The following MCF2L2 variants were observed in gnomAD, a reference collection of about 807,000 sequenced individuals.
MCF2L2 encodes probable guanine nucleotide exchange factor MCF2L2.
A neutral mutation model predicts 150.2 loss-of-function variants in MCF2L2; 102 were observed. That is an observed-to-expected ratio of 0.68 (90% confidence interval 0.58 to 0.80). MCF2L2 has a LOEUF of 0.80. Ranked by LOEUF, MCF2L2 falls within the 30% of genes least tolerant of loss-of-function variation. The probability of loss-of-function intolerance (pLI) is 0.00; values close to 1 mark genes in which losing one functional copy is unlikely to be tolerated. For synonymous variants in MCF2L2, 465 were observed against 491.3 expected, an observed-to-expected ratio of 0.95 and a Z score of 0.71; for missense variants, 1,256 against 1,372.8, an observed-to-expected ratio of 0.91 and a Z score of 1.34.
chr3:183,242,190 G>A (rs1013599740), intron 15 of MCF2L2, among the ~76,000 whole-genome samples: 1 of 151,918 alleles, frequency 6.6e-6, no homozygotes, highest in Non-Finnish European at 1.5e-5. Flanking sequence ...GAGCATAAAA[G>A]TTCAGAAAAT....
At chr3:183,206,248 C>T (rs765092156) in intron 23 of MCF2L2, 34 bp from the exon 24 acceptor site, 10 of 1,468,764 alleles carry the variant, frequency 6.8e-6, no homozygotes, top group South Asian at 5.7e-5. Flanking sequence ...TGTTCTATAC[C>T]ATCGTTTTCT....
chr3:183,285,977 T>A (rs1356294513), intron 14 of MCF2L2, among the ~76,000 whole-genome samples: 2 of 152,194 alleles, frequency 1.3e-5, no homozygotes, highest in African/African-American at 4.8e-5. Context: ...CACATCACTA[T>A]TGCCAACAAG....
chr3:183,403,444 T>C (rs903388697), intron 1 of MCF2L2, among the ~76,000 whole-genome samples: 1 of 152,190 alleles, frequency 6.6e-6, no homozygotes, highest in East Asian at 1.9e-4. Flanking sequence ...ACTCTTCAAT[T>C]TGTGGAGGGA....
intron 3 of MCF2L2, among the ~76,000 whole-genome samples, chr3:183,347,794 G>T (rs899250066): frequency 7.9e-5 from 12 of 152,120 alleles, no homozygotes; most frequent in Non-Finnish European, 1.8e-4. Context: ...ACAAACATAT[G>T]AAAAAAAGCT....
At chr3:183,423,632 G>GTTTTTTTTTTT (rs34400256) in intron 1 of MCF2L2, among the ~76,000 whole-genome samples, 4 of 92,038 alleles carry the variant, frequency 4.3e-5, no homozygotes, top group Non-Finnish European at 4.3e-5. Flanking sequence ...AATTTTATTT[G>GTTTTTTTTTTT]TTTTTTTTTT....
chr3:183,373,663 G>A (rs2314346), intron 3 of MCF2L2: 48,125 of 151,862 alleles, frequency 0.32, 11,695 homozygotes, highest in African/African-American at 0.68. Context: ...TTTAGACACC[G>A]CTGAAAATCC....
chr3:183,278,059 C>T (rs1405560516), intron 14 of MCF2L2, among the ~76,000 whole-genome samples: 1 of 151,222 alleles, frequency 6.6e-6, no homozygotes, highest in Non-Finnish European at 1.5e-5. Flanking sequence ...GTGGCAGGCA[C>T]CTGTAATCCA....
intron 1 of MCF2L2, among the ~76,000 whole-genome samples, chr3:183,423,254 C>T (rs1483214722): frequency 6.6e-6 from 1 of 152,164 alleles, no homozygotes; most frequent in Non-Finnish European, 1.5e-5. Context: ...GACATTTCAG[C>T]TGCTAACAAC....
chr3:183,214,750 G>A (rs1722851125), intron 22 of MCF2L2, among the ~76,000 whole-genome samples: 1 of 151,976 alleles, frequency 6.6e-6, no homozygotes, highest in East Asian at 1.9e-4. Context: ...ACTTTGGGAG[G>A]CGGAGATGGG....
intron 15 of MCF2L2, among the ~76,000 whole-genome samples, chr3:183,251,864 C>A: frequency 6.6e-6 from 1 of 151,768 alleles, no homozygotes; most frequent in South Asian, 2.1e-4. Context: ...CCAGAGTGGG[C>A]ATTCTGGACT....
intron 13 of MCF2L2, among the ~76,000 whole-genome samples, chr3:183,294,858 G>C (rs1197009946): frequency 6.6e-6 from 1 of 152,020 alleles, no homozygotes; most frequent in East Asian, 1.9e-4. Flanking sequence ...TCGATCTCCT[G>C]ACCTCGTGAT....
chr3:183,271,015 C>A, intron 15 of MCF2L2: 1 of 1,324,136 alleles, frequency 7.6e-7, no homozygotes, highest in Non-Finnish European at 1.0e-6. Context: ...CGTCTATACC[C>A]TAAGTAAAAT....
At chr3:183,294,665 G>A (rs1238887813) in intron 13 of MCF2L2, among the ~76,000 whole-genome samples, 1 of 138,682 alleles carries the variant, frequency 7.2e-6, no homozygotes, top group Non-Finnish European at 1.5e-5. Flanking sequence ...GTCTCGCTCT[G>A]TCACCCAGGA....
At chr3:183,322,488 T>C (rs1038856601) in intron 6 of MCF2L2, among the ~76,000 whole-genome samples, 1 of 152,128 alleles carries the variant, frequency 6.6e-6, no homozygotes, top group African/African-American at 2.4e-5. Flanking sequence ...TCTAAAGATA[T>C]TGACAAATGT....
chr3:183,420,417 T>C (rs1011303164), intron 1 of MCF2L2, among the ~76,000 whole-genome samples: 3 of 152,122 alleles, frequency 2.0e-5, no homozygotes, highest in African/African-American at 7.2e-5. Context: ...CTGACCAATA[T>C]GGTGAAACTC....
chr3:183,194,175 TGGGTTA>T (rs1321811060), intron 26 of MCF2L2, among the ~76,000 whole-genome samples: 1 of 152,196 alleles, frequency 6.6e-6, no homozygotes, highest in African/African-American at 2.4e-5. Context: ...CTCATCTTTC[TGGGTTA>T]GGGTCTAGCG....
chr3:183,363,062 T>C (rs2108568465), intron 3 of MCF2L2, among the ~76,000 whole-genome samples: 1 of 150,178 alleles, frequency 6.7e-6, no homozygotes, highest in East Asian at 2.0e-4. Context: ...ACATCATATG[T>C]CATTGGGGAA....
At chr3:183,395,194 T>C (rs911377532) in intron 1 of MCF2L2, among the ~76,000 whole-genome samples, 4 of 152,210 alleles carry the variant, frequency 2.6e-5, no homozygotes, top group East Asian at 1.9e-4. Flanking sequence ...ACTTTATATG[T>C]AATGGCATAG....
chr3:183,391,834 T>A (rs1714171223), intron 1 of MCF2L2, among the ~76,000 whole-genome samples: 1 of 152,228 alleles, frequency 6.6e-6, no homozygotes, highest in Admixed American at 6.5e-5. Context: ...TCTAGGACAG[T>A]GGCATACTCA....
Sources: gnomAD v4.1 joint callset for allele counts (sites outside exome capture counted in the v4.1 genomes callset) on GRCh38, gnomAD v4.1.1 for gene constraint, MANE v1.5 for transcripts, NCBI Gene and HGNC (gene_info 2026-07-23, HGNC 2026-07-21) for gene names.